Variants in FMN2 observed in about 807,000 individuals in gnomAD.
FMN2 encodes formin 2.
In FMN2, 51 loss-of-function variants were observed where a neutral mutation model predicts 142.3. The observed-to-expected ratio is 0.36, with a 90% CI of 0.29 to 0.45. The LOEUF is 0.45. FMN2 is among the 20% of genes least tolerant of loss of function. The pLI is 1.00. For synonymous variants in FMN2, 882 were observed against 869.8 expected, an observed-to-expected ratio of 1.01 and a Z score of -0.25; for missense variants, 1,936 against 2,122.8, an observed-to-expected ratio of 0.91 and a Z score of 1.73.
Position 240,294,807 on chromosome 1 carries a change from C to A in FMN2, c.4154-15C>A. ...GTGGCTTATGGCAATTTATATTCTT[C>A]TTTTTTTTCCACAGCTGTTGTGAAC... On this transcript the variant is annotated splice_polypyrimidine_tract_variant and intron_variant, in intron 7 of 17. Transcript: ENST00000319653. 1 of 1,612,464 alleles carries A rather than the reference C, an allele frequency of 6.2e-7. No homozygotes were observed. Among genetic ancestry groups the A allele is most frequent in the Non-Finnish European group, 8.5e-7 (1 of 1,178,768 alleles).
At chr1:240,418,486 C>T (rs977950543) in intron 15 of FMN2, among the ~76,000 whole-genome samples, 3 of 152,250 alleles carry the variant, frequency 2.0e-5, no homozygotes, top group African/African-American at 4.8e-5. Flanking sequence ...TGAGCCACCA[C>T]GCCCAGCCTA....
At chr1:240,459,025 A>G (rs921468386) in intron 16 of FMN2, 1 of 152,236 alleles carries the variant, frequency 6.6e-6, no homozygotes, top group African/African-American at 2.4e-5. Flanking sequence ...TTTTTTTTCT[A>G]TATCAGAGAC....
chr1:240,171,635 C>A (rs1664705467), intron 2 of FMN2, among the ~76,000 whole-genome samples: 1 of 152,180 alleles, frequency 6.6e-6, no homozygotes, highest in African/African-American at 2.4e-5. Context: ...CCTCATCTTA[C>A]CTGTAAAAAT....
At chr1:240,134,249 G>A (rs1662849986) in intron 2 of FMN2, among the ~76,000 whole-genome samples, 1 of 152,194 alleles carries the variant, frequency 6.6e-6, no homozygotes, top group Non-Finnish European at 1.5e-5. Flanking sequence ...CATGATGACT[G>A]CAGTGAGGAG....
chr1:240,394,988 AT>A (rs1170633974), intron 15 of FMN2, among the ~76,000 whole-genome samples: 6 of 152,078 alleles, frequency 3.9e-5, no homozygotes, highest in Admixed American at 2.6e-4. Flanking sequence ...AAATAAATAA[AT>A]TTTTTAAAAA....
At chr1:240,353,099 C>T (rs1672150045) in intron 13 of FMN2, among the ~76,000 whole-genome samples, 1 of 152,194 alleles carries the variant, frequency 6.6e-6, no homozygotes, top group African/African-American at 2.4e-5. Context: ...CAGAGAATGT[C>T]AACACCCGGT....
At chr1:240,166,857 C>T (rs778614134) in intron 2 of FMN2, among the ~76,000 whole-genome samples, 11 of 152,198 alleles carry the variant, frequency 7.2e-5, no homozygotes, top group Non-Finnish European at 1.3e-4. Flanking sequence ...CGCAGCGGCT[C>T]ACGCCTGTAA....
intron 6 of FMN2, among the ~76,000 whole-genome samples, chr1:240,248,922 T>C (rs990333853): frequency 5.3e-5 from 8 of 151,984 alleles, no homozygotes; most frequent in African/African-American, 1.7e-4. Context: ...AGATGAATTA[T>C]TTATTTATTT....
At chr1:240,154,286 G>A (rs1663921628) in intron 2 of FMN2, among the ~76,000 whole-genome samples, 2 of 152,060 alleles carry the variant, frequency 1.3e-5, no homozygotes, top group Non-Finnish European at 2.9e-5. Flanking sequence ...ATAGTACAGA[G>A]TGCTCTGGGA....
chr1:240,261,629 A>G (rs774486726), intron 7 of FMN2, among the ~76,000 whole-genome samples: 3 of 152,114 alleles, frequency 2.0e-5, no homozygotes, highest in Non-Finnish European at 4.4e-5. Flanking sequence ...TCAGTCTGTT[A>G]TTTGAATACA....
intron 16 of FMN2, among the ~76,000 whole-genome samples, chr1:240,454,598 T>C (rs1676177180): frequency 6.6e-6 from 1 of 152,158 alleles, no homozygotes; most frequent in South Asian, 2.1e-4. Flanking sequence ...GATCTCCTAT[T>C]TATAGTAGTG....
At chr1:240,224,482 T>C (rs1193696492) in intron 6 of FMN2, among the ~76,000 whole-genome samples, 1 of 152,190 alleles carries the variant, frequency 6.6e-6, no homozygotes, top group African/African-American at 2.4e-5. Flanking sequence ...TGGAGAGTTC[T>C]GTAGATGTCT....
In FMN2 at chr1:240,180,628, G is replaced by A. The variant is rs541667976; in HGVS notation, c.1930+2560G>A. Among the ~76,000 whole-genome samples the A allele has an allele frequency of 1.1e-4, 16 of 139,780 alleles. No individual in the cohort carries two copies. In the South Asian group the frequency reaches 3.5e-3, roughly 30 times the overall value. 91.7% of individuals were successfully genotyped at this position (139,780 alleles called of 152,430 possible). A position where few individuals can be genotyped will look rare whatever the true frequency, so the allele number is the denominator to read the frequency against. On this transcript the variant is annotated intron_variant, in intron 3 of 17. Transcript: ENST00000319653. ...GTCACCCAGGCTACAGTGTAATGGC[G>A]CCATCTCGGCTCACTGCAACCTCCG... is the stretch of plus-strand genomic sequence containing the variant.
chr1:240,169,158 G>A (rs1011219538), intron 2 of FMN2, among the ~76,000 whole-genome samples: 7 of 152,138 alleles, frequency 4.6e-5, no homozygotes, highest in African/African-American at 9.7e-5. Flanking sequence ...CTCCATCTCC[G>A]TCTCAAACAA....
At chr1:240,242,199 C>T (rs548965375) in intron 6 of FMN2, among the ~76,000 whole-genome samples, 53 of 152,280 alleles carry the variant, frequency 3.5e-4, no homozygotes, top group African/African-American at 1.2e-3. Context: ...TTTACCAAAT[C>T]GCTTTTATAT....
chr1:240,329,133 A>C lies in FMN2; in HGVS notation c.4273A>C (p.Lys1425Gln), dbSNP rs1160134381. 1 of 1,614,034 alleles carries C rather than the reference A, an allele frequency of 6.2e-7. No homozygotes were observed. The highest frequency in any genetic ancestry group is 8.5e-7 in the Non-Finnish European group (1 of 1,180,010). ...AAAGCATGGCCGATCTTCCAAAGAC[A>C]AGGAAAATGCCAAGTCTCTGGACAA... Reference protein sequence around the residue: ...IEKHGRSSKDKENAKSLDKPE... With the variant: ...IEKHGRSSKDQENAKSLDKPE... The change falls in exon 9 of 18, where the codon AAG becomes CAG. Residue 1425 changes from lysine (K) to glutamine (Q), a missense_variant. Around this residue, in one of 8 missense-constraint regions of FMN2, gnomAD observed 322 missense variants for 401.6 expected, o/e 0.80. Transcript: ENST00000319653.
chr1:240,261,416 A>G (rs1314315889), intron 7 of FMN2, among the ~76,000 whole-genome samples: 1 of 150,138 alleles, frequency 6.7e-6, no homozygotes, highest in African/African-American at 2.5e-5. Flanking sequence ...TACCACCAGC[A>G]TTGGTTTATC....
chr1:240,301,787 T>C (rs1670208534), intron 8 of FMN2, among the ~76,000 whole-genome samples: 1 of 152,090 alleles, frequency 6.6e-6, no homozygotes, highest in African/African-American at 2.4e-5. Flanking sequence ...TCTACTGCCT[T>C]TAGGTTTTTC....
intron 2 of FMN2, among the ~76,000 whole-genome samples, chr1:240,146,192 G>T (rs1459379415): frequency 1.3e-5 from 2 of 148,680 alleles, no homozygotes; most frequent in Non-Finnish European, 3.0e-5. Flanking sequence ...GACCATCCTG[G>T]CTAACATGGA....
Sources: gnomAD v4.1 joint callset for allele counts (sites outside exome capture counted in the v4.1 genomes callset) on GRCh38, gnomAD v4.1.1 for gene constraint, gnomAD v4.1.1 regional missense constraint, MANE v1.5 for transcripts, NCBI Gene and HGNC (gene_info 2026-07-23, HGNC 2026-07-21) for gene names.